NCKAP5: variants seen among roughly 807,000 people sequenced by gnomAD.
NCKAP5 encodes nck-associated protein 5.
NCKAP5 carries 92 observed loss-of-function variants against 167.0 expected under a neutral mutation model. The ratio of observed to expected loss-of-function variants is 0.55; its 90% CI spans 0.47 to 0.66. NCKAP5 has a LOEUF of 0.66. NCKAP5 is among the 30% of genes least tolerant of loss of function. The pLI, the probability that NCKAP5 is intolerant of heterozygous loss-of-function variation, is 0.00. For missense variants in NCKAP5, 2,378 were observed against 2,315.0 expected (o/e 1.03, Z -0.56); for synonymous variants, 891 against 877.4 (o/e 1.02, Z -0.27).
chr2:132,993,932 T>C (rs1413478004), intron 7 of NCKAP5, among the ~76,000 whole-genome samples: 1 of 151,116 alleles, frequency 6.6e-6, no homozygotes, highest in African/African-American at 2.4e-5. Flanking sequence ...TTGCATCTTC[T>C]AGAATCAAAT....
chr2:132,962,677 G>A (rs1294787111), intron 8 of NCKAP5, among the ~76,000 whole-genome samples: 2 of 152,024 alleles, frequency 1.3e-5, no homozygotes, highest in African/African-American at 2.4e-5. Context: ...TGCAAGCTCC[G>A]CCTCCCAGGT....
intron 4 of NCKAP5, among the ~76,000 whole-genome samples, chr2:133,282,714 C>T (rs2089975065): frequency 6.6e-6 from 1 of 152,082 alleles, no homozygotes; most frequent in African/African-American, 2.4e-5. Context: ...AGGCTTACAC[C>T]AGGCTAAACA....
At position 132,853,937 on chromosome 2, in the gene NCKAP5, T is replaced by G. The variant is rs142728961; in HGVS notation, c.807+6555A>C. Among the ~76,000 whole-genome samples, 209 of 152,290 alleles carry G rather than the reference T, an allele frequency of 1.4e-3. 1 individual carries two copies. Among genetic ancestry groups the G allele is most frequent in the African/African-American group, 4.7e-3 (197 of 41,574 alleles). On this transcript the variant is annotated intron_variant, in intron 11 of 19. Transcript: ENST00000409261. ...ACAGCACCCTAAGCACTGCTCTCAC[T>G]CCCTTCTGCTCTTCCCTCCCTTGGA...
At chr2:133,570,240 G>C (rs1688815376), upstream of NCKAP5, among the ~76,000 whole-genome samples, 1 of 152,096 alleles carries the variant, frequency 6.6e-6, no homozygotes, top group Non-Finnish European at 1.5e-5. Context: ...AAGGTGGAAA[G>C]AACTTTCACA....
At chr2:132,897,904 A>C (rs536765307) in intron 8 of NCKAP5, among the ~76,000 whole-genome samples, 100 of 152,320 alleles carry the variant, frequency 6.6e-4, no homozygotes, top group Non-Finnish European at 1.3e-3. Context: ...CTCCATGTTG[A>C]TGGCTGCTGA....
At chr2:133,277,771 G>A (rs904807395) in intron 4 of NCKAP5, among the ~76,000 whole-genome samples, 10 of 152,144 alleles carry the variant, frequency 6.6e-5, no homozygotes, top group African/African-American at 2.2e-4. Context: ...TGAAAACAGT[G>A]TGGTGCAGGT....
intron 16 of NCKAP5, among the ~76,000 whole-genome samples, chr2:132,757,477 A>G (rs1268978151): frequency 6.6e-6 from 1 of 152,156 alleles, no homozygotes; most frequent in Non-Finnish European, 1.5e-5. Context: ...TTTCTCTGGC[A>G]CATCCTCTTT....
At chr2:132,728,095 C>T (rs1209884640) in intron 18 of NCKAP5, among the ~76,000 whole-genome samples, 1 of 152,190 alleles carries the variant, frequency 6.6e-6, no homozygotes, top group African/African-American at 2.4e-5. Flanking sequence ...CCTCCTTTCT[C>T]ACCACCAGGC....
the NCKAP5 span, among the ~76,000 whole-genome samples, chr2:133,658,333 A>G: frequency 6.6e-6 from 1 of 152,316 alleles, no homozygotes; most frequent in East Asian, 1.9e-4. Context: ...GGAGCTGCAA[A>G]GTAGTGGTGT....
At chr2:133,187,125 G>A (rs1204789632) in intron 5 of NCKAP5, among the ~76,000 whole-genome samples, 1 of 151,968 alleles carries the variant, frequency 6.6e-6, no homozygotes, top group Non-Finnish European at 1.5e-5. Flanking sequence ...TGCTTTAGCT[G>A]AGTCCCAAAG....
intron 11 of NCKAP5, among the ~76,000 whole-genome samples, chr2:132,847,822 T>C (rs1308445814): frequency 6.6e-6 from 1 of 152,180 alleles, no homozygotes; most frequent in Non-Finnish European, 1.5e-5. Context: ...TTGTTTAAAC[T>C]CTTGAAAAGA....
chr2:133,501,218 C>T (rs554686690), intron 3 of NCKAP5, among the ~76,000 whole-genome samples: 4 of 152,280 alleles, frequency 2.6e-5, no homozygotes, highest in South Asian at 2.1e-4. Flanking sequence ...AAAATTTACC[C>T]GTCAAGCATT....
chr2:132,863,419 G>C (rs1184572015), intron 10 of NCKAP5, among the ~76,000 whole-genome samples: 2 of 133,742 alleles, frequency 1.5e-5, no homozygotes, highest in African/African-American at 5.6e-5. Context: ...GCAAAACTGA[G>C]AATACCTTGA....
chr2:132,688,281 C>T (rs754606610), intron 19 of NCKAP5, among the ~76,000 whole-genome samples: 4 of 151,958 alleles, frequency 2.6e-5, no homozygotes, highest in African/African-American at 9.7e-5. Context: ...AAAATCATGC[C>T]TCCCAATGAA....
chr2:132,699,340 T>A (rs115295477), intron 19 of NCKAP5, among the ~76,000 whole-genome samples: 5,299 of 152,254 alleles, frequency 0.035, 322 homozygotes, highest in African/African-American at 0.12. Flanking sequence ...AGATTTTTTT[T>A]AAATTATATT....
chr2:133,573,173 C>G (rs1403274711), upstream of NCKAP5, among the ~76,000 whole-genome samples: 1 of 152,166 alleles, frequency 6.6e-6, no homozygotes, highest in African/African-American at 2.4e-5. Flanking sequence ...TATGGTAGCC[C>G]TCTTACATAA....
intron 19 of NCKAP5, among the ~76,000 whole-genome samples, chr2:132,699,475 C>T (rs1481192766): frequency 6.6e-6 from 1 of 151,816 alleles, no homozygotes; most frequent in African/African-American, 2.4e-5. Context: ...GCTATCCCTC[C>T]CCACTCCCCC....
chr2:132,720,182 C>A (rs1042460446), intron 19 of NCKAP5, among the ~76,000 whole-genome samples: 32 of 152,142 alleles, frequency 2.1e-4, no homozygotes, highest in African/African-American at 7.2e-4. Context: ...GACTTGCCTG[C>A]TGGAAAAGGG....
At chr2:133,353,426 C>T (rs1211111855) in intron 3 of NCKAP5, among the ~76,000 whole-genome samples, 3 of 152,162 alleles carry the variant, frequency 2.0e-5, no homozygotes, top group Non-Finnish European at 4.4e-5. Context: ...AACATCAGGG[C>T]ATTTGCTGAA....
Sources: allele counts gnomAD v4.1 joint callset (sites outside exome capture counted in the v4.1 genomes callset), GRCh38; gene constraint gnomAD v4.1.1; transcripts MANE v1.5; gene names NCBI Gene and HGNC (gene_info 2026-07-23, HGNC 2026-07-21).